The following PLD1 variants were observed in gnomAD, a reference collection of about 807,000 sequenced individuals.
PLD1 encodes the protein phospholipase D1.
In PLD1, 112 loss-of-function variants were observed where a neutral mutation model predicts 137.1. The observed-to-expected ratio is 0.82, with a 90% CI of 0.70 to 0.96. PLD1 has a LOEUF of 0.96. Among genes scored for constraint, PLD1 ranks in the 40% least tolerant of loss-of-function variants. The probability of loss-of-function intolerance (pLI) is 0.00; values close to 1 mark genes in which losing one functional copy is unlikely to be tolerated. For missense variants in PLD1, 1,321 were observed against 1,342.0 expected, an observed-to-expected ratio of 0.98 and a Z score of 0.24; for synonymous variants, 431 against 454.7, an observed-to-expected ratio of 0.95 and a Z score of 0.66.
chr3:171,640,755 C>A (rs941130833), intron 23 of PLD1, among the ~76,000 whole-genome samples: 4 of 152,286 alleles, frequency 2.6e-5, no homozygotes, highest in Non-Finnish European at 5.9e-5. Context: ...GGCCGTTGCA[C>A]ACAGCCCTAC....
chr3:171,633,065 A>G (rs1179633394), intron 23 of PLD1, among the ~76,000 whole-genome samples: 7 of 152,368 alleles, frequency 4.6e-5, no homozygotes, highest in African/African-American at 1.7e-4. Context: ...CTAGCCAGAA[A>G]GTAGACATTT....
intron 17 of PLD1, 145 bp downstream of exon 17, chr3:171,677,421 A>C: frequency 1.4e-6 from 1 of 713,646 alleles, no homozygotes; most frequent in African/African-American, 1.8e-5. Context: ...CTAATGACTA[A>C]ATCTAGTCTC....
chr3:171,632,079 T>C (rs1445684150), intron 23 of PLD1, among the ~76,000 whole-genome samples: 1 of 152,146 alleles, frequency 6.6e-6, no homozygotes, highest in Non-Finnish European at 1.5e-5. Flanking sequence ...TCAAAGTTAA[T>C]ATAACCAGTA....
intron 23 of PLD1, among the ~76,000 whole-genome samples, chr3:171,623,023 G>A (rs1180688986): frequency 2.6e-5 from 4 of 151,952 alleles, no homozygotes; most frequent in African/African-American, 9.7e-5. Flanking sequence ...AAACTATCAA[G>A]ACACAAGAGT....
Position 171,714,015 on chromosome 3 carries a change from C to T in PLD1, c.789G>A (p.Leu263=). 1 of 1,607,502 alleles carries T rather than the reference C, an allele frequency of 6.2e-7. No individual in the cohort carries two copies. The highest frequency in any genetic ancestry group is 8.5e-7 in the Non-Finnish European group (1 of 1,174,408). The change falls in exon 9 of 27, where the codon TTG becomes TTA. Residue 263 remains leucine, a synonymous_variant. Coordinates refer to ENST00000351298, the MANE Select transcript of PLD1 (RefSeq NM_002662.5). ...RWLIVKDSFL[L]YMKPDSGAIA... Reference sequence around the variant, plus strand: ...TGGCACCGCTGTCTGGTTTCATATACAATAAAAAGGAATCTTTCACTATTA... The same window carrying T: ...TGGCACCGCTGTCTGGTTTCATATATAATAAAAAGGAATCTTTCACTATTA...
intron 5 of PLD1, 121 bp downstream of exon 5, chr3:171,734,744 T>G (rs953365153): frequency 1.6e-6 from 1 of 629,124 alleles, no homozygotes; most frequent in Non-Finnish European, 2.9e-6. Context: ...TAAACCAGCC[T>G]GGGGATCAAT....
chr3:171,607,782 T>C (rs1364941133), intron 25 of PLD1, among the ~76,000 whole-genome samples: 2 of 152,184 alleles, frequency 1.3e-5, no homozygotes, highest in East Asian at 1.9e-4. Context: ...TGAGTGATGG[T>C]TATATCTGCA....
intron 19 of PLD1, among the ~76,000 whole-genome samples, chr3:171,664,481 G>A (rs1439323531): frequency 1.3e-5 from 2 of 148,434 alleles, no homozygotes; most frequent in African/African-American, 2.5e-5. Context: ...TTTTTGAGAC[G>A]GAGTCTTGTT....
intron 1 of PLD1, among the ~76,000 whole-genome samples, chr3:171,773,601 C>CA (rs1334864498): frequency 7.3e-5 from 11 of 151,160 alleles, no homozygotes; most frequent in African/African-American, 2.0e-4. Context: ...GACTCCGTCT[C>CA]AAAAAACAAA....
intron 1 of PLD1, among the ~76,000 whole-genome samples, chr3:171,754,666 A>G (rs535177212): frequency 6.6e-6 from 1 of 152,368 alleles, no homozygotes; most frequent in African/African-American, 2.4e-5. Context: ...TAACAAAAGA[A>G]GTAAAGCTAG....
intron 23 of PLD1, among the ~76,000 whole-genome samples, chr3:171,639,061 C>T (rs1205141136): frequency 6.6e-6 from 1 of 151,576 alleles, no homozygotes; most frequent in Non-Finnish European, 1.5e-5. Context: ...GCCAGCTTTC[C>T]TGGGTATCCA....
intron 11 of PLD1, among the ~76,000 whole-genome samples, chr3:171,703,907 A>C (rs1305040311): frequency 6.6e-6 from 1 of 152,164 alleles, no homozygotes; most frequent in Non-Finnish European, 1.5e-5. Context: ...AGGCAGGGGA[A>C]ATCTCCTCTC....
chr3:171,741,423 A>C (rs1419070945), intron 1 of PLD1, among the ~76,000 whole-genome samples: 1 of 152,218 alleles, frequency 6.6e-6, no homozygotes, highest in Non-Finnish European at 1.5e-5. Flanking sequence ...ATCTTCATTT[A>C]TCAGTCAATG....
At chr3:171,774,520 G>A (rs778827668) in intron 1 of PLD1, among the ~76,000 whole-genome samples, 1 of 152,146 alleles carries the variant, frequency 6.6e-6, no homozygotes, top group Non-Finnish European at 1.5e-5. Context: ...CATCACCAAC[G>A]GATGCTAAAC....
In PLD1 at chr3:171,615,986, C is replaced by T. The variant is rs543204810; in HGVS notation, c.2729-3554G>A. ...GTGGAGGGGAGTCTGTATTGCTCCA[C>T]AGCCATGCCAATACTTAGATTGCCC... is the stretch of plus-strand genomic sequence containing the variant. On this transcript the variant is annotated intron_variant, in intron 24 of 26. Coordinates refer to ENST00000351298, the MANE Select transcript of PLD1 (RefSeq NM_002662.5). 5.9e-5 allele frequency among the ~76,000 whole-genome samples: 9 copies of T among 152,360 alleles called. No homozygotes were observed. The South Asian group carries it at 1.9e-3, about 32-fold the overall frequency.
At chr3:171,613,276 A>C (rs975777994) in intron 24 of PLD1, among the ~76,000 whole-genome samples, 1 of 152,206 alleles carries the variant, frequency 6.6e-6, no homozygotes, top group African/African-American at 2.4e-5. Flanking sequence ...ATGTGAAATA[A>C]TATATTTTCC....
At chr3:171,754,046 T>A (rs541535938) in intron 1 of PLD1, among the ~76,000 whole-genome samples, 1 of 152,310 alleles carries the variant, frequency 6.6e-6, no homozygotes, top group Admixed American at 6.5e-5. Flanking sequence ...AAGCCTCCCC[T>A]GACAGCCCAG....
At chr3:171,681,151 G>C (rs920673364) in intron 16 of PLD1, among the ~76,000 whole-genome samples, 1 of 152,170 alleles carries the variant, frequency 6.6e-6, no homozygotes, top group East Asian at 1.9e-4. Context: ...GATTTTCACA[G>C]CTCATTTCAT....
chr3:171,701,386 T>C (rs1560231534), intron 11 of PLD1, among the ~76,000 whole-genome samples: 3 of 152,194 alleles, frequency 2.0e-5, no homozygotes, highest in African/African-American at 4.8e-5. Context: ...CACTGCTAGT[T>C]CACCAAAAGT....
Sources: allele counts gnomAD v4.1 joint callset (sites outside exome capture counted in the v4.1 genomes callset), GRCh38; gene constraint gnomAD v4.1.1; transcripts MANE v1.5; gene names NCBI Gene and HGNC (gene_info 2026-07-23, HGNC 2026-07-21).